Variants in IL1R1 observed in about 807,000 individuals in gnomAD.
IL1R1 encodes interleukin-1 receptor type 1.
A neutral mutation model predicts 50.2 loss-of-function variants in IL1R1; 22 were observed. The observed-to-expected ratio is 0.44, with a 90% confidence interval of 0.31 to 0.63. The LOEUF is 0.63. IL1R1 is among the 20% of genes least tolerant of loss of function. IL1R1 has a pLI of 0.07. For synonymous variants in IL1R1, 251 were observed against 236.7 expected (o/e 1.06, Z -0.55); for missense variants, 509 against 676.2 (o/e 0.75, Z 2.74).
chr2:102,109,612 C>T (rs768551317), intron 1 of IL1R1, among the ~76,000 whole-genome samples: 2 of 152,170 alleles, frequency 1.3e-5, no homozygotes, highest in African/African-American at 2.4e-5. Context: ...CACAACAACC[C>T]CTCAACTTGG....
intron 1 of IL1R1, among the ~76,000 whole-genome samples, chr2:102,128,244 A>G (rs930158230): frequency 6.6e-6 from 1 of 152,208 alleles, no homozygotes; most frequent in Non-Finnish European, 1.5e-5. Context: ...CTATTCCAAA[A>G]TGACATCACA....
intron 1 of IL1R1, among the ~76,000 whole-genome samples, chr2:102,127,657 C>CTGTGTGTGTGTGTG (rs60587758): frequency 1.1e-3 from 158 of 144,952 alleles, no homozygotes; most frequent in Non-Finnish European, 1.9e-3. Context: ...GTGTGTGTGA[C>CTGTGTGTGTGTGTG]TGTGTGTGTG....
intron 1 of IL1R1, among the ~76,000 whole-genome samples, chr2:102,074,890 A>G (rs1678893955): frequency 6.6e-6 from 1 of 152,090 alleles, no homozygotes; most frequent in Admixed American, 6.5e-5. Flanking sequence ...TCAGTGCATC[A>G]TTTTTATTAT....
At position 102,164,758 on chromosome 2, in the gene IL1R1, C is replaced by A; in HGVS notation, c.62-16C>A. On this transcript the variant is annotated splice_polypyrimidine_tract_variant and intron_variant, in intron 3 of 11. Transcript: ENST00000410023. ...GATTTTTATGTAAATTGCTTCCACC[C>A]TTCTTCCTTTTAAAGATAAATGCAA... 6.3e-7 allele frequency: 1 copy of A among 1,580,170 alleles called. No homozygotes were observed. Among genetic ancestry groups the A allele is most frequent in the Non-Finnish European group, 8.7e-7 (1 of 1,151,338 alleles).
intron 1 of IL1R1, among the ~76,000 whole-genome samples, chr2:102,071,565 A>G (rs557963702): frequency 6.6e-6 from 1 of 152,360 alleles, no homozygotes; most frequent in East Asian, 1.9e-4. Context: ...AAACTGGCTT[A>G]CATAAATTTA....
At position 102,164,756 on chromosome 2, in the gene IL1R1, C is replaced by T. The variant is rs199520843; in HGVS notation, c.62-18C>T. ...CAGATTTTTATGTAAATTGCTTCCA[C>T]CCTTCTTCCTTTTAAAGATAAATGC... On this transcript the variant is annotated intron_variant, in intron 3 of 11. Coordinates refer to ENST00000410023, the MANE Select transcript of IL1R1 (RefSeq NM_000877.4). The T allele has an allele frequency of 4.5e-6, 7 of 1,568,980 alleles. No homozygotes were observed. The highest frequency in any genetic ancestry group is 4.4e-6 in the Non-Finnish European group (5 of 1,141,402).
At chr2:102,113,718 C>G (rs1198237998) in intron 1 of IL1R1, among the ~76,000 whole-genome samples, 2 of 152,210 alleles carry the variant, frequency 1.3e-5, no homozygotes, top group African/African-American at 4.8e-5. Flanking sequence ...CCTCCTTGCC[C>G]TGGAGCCTGG....
At chr2:102,084,710 A>T (rs999540572) in intron 1 of IL1R1, among the ~76,000 whole-genome samples, 1 of 152,200 alleles carries the variant, frequency 6.6e-6, no homozygotes, top group Non-Finnish European at 1.5e-5. Context: ...TTTTGTATAC[A>T]TACTTTGGTT....
intron 1 of IL1R1, among the ~76,000 whole-genome samples, chr2:102,098,058 A>G (rs2104329628): frequency 6.6e-6 from 1 of 152,230 alleles, no homozygotes; most frequent in Middle Eastern, 3.4e-3. Context: ...TTTTAAAAAG[A>G]TGAGAATCCA....
chr2:102,175,641 G>A lies in IL1R1; in HGVS notation c.1299G>A (p.Gly433=), dbSNP rs941126929. The A allele has an allele frequency of 6.2e-7, 1 of 1,613,734 alleles. No individual in the cohort carries two copies. The highest frequency in any genetic ancestry group is 1.3e-5 in the African/African-American group (1 of 74,902). ...LFIYGRDDYV[G]EDIVEVINEN... ...TTTATGGAAGGGATGACTACGTTGG[G>A]GAAGGTATGTGTGTAATGGAACAGA... Residue 433 remains glycine, a synonymous_variant, in exon 11 of 12, where the codon GGG becomes GGA. Coordinates refer to ENST00000410023, the MANE Select transcript of IL1R1 (RefSeq NM_000877.4).
chr2:102,144,511 C>T (rs1259587050), intron 1 of IL1R1, among the ~76,000 whole-genome samples: 2 of 152,124 alleles, frequency 1.3e-5, no homozygotes, highest in Non-Finnish European at 2.9e-5. Flanking sequence ...GAGTCAACCT[C>T]TCACCATTGT....
At chr2:102,106,257 T>C (rs983332246) in intron 1 of IL1R1, among the ~76,000 whole-genome samples, 1 of 152,116 alleles carries the variant, frequency 6.6e-6, no homozygotes, top group Non-Finnish European at 1.5e-5. Flanking sequence ...TGTGTCTGTG[T>C]GTGTGTGCAT....
chr2:102,135,262 C>T (rs557747902), intron 1 of IL1R1, among the ~76,000 whole-genome samples: 25 of 137,964 alleles, frequency 1.8e-4, no homozygotes, highest in African/African-American at 4.9e-4. Context: ...ACTTTGTGGG[C>T]GGTACCTACA....
chr2:102,090,113 C>T (rs1679598838), intron 1 of IL1R1, among the ~76,000 whole-genome samples: 1 of 151,504 alleles, frequency 6.6e-6, no homozygotes, highest in Non-Finnish European at 1.5e-5. Flanking sequence ...GGATTACAGG[C>T]ATGAGCCACT....
intron 1 of IL1R1, among the ~76,000 whole-genome samples, chr2:102,136,993 A>G (rs1170368725): frequency 6.6e-6 from 1 of 152,250 alleles, no homozygotes; most frequent in Admixed American, 6.5e-5. Context: ...CCTCAAAAGT[A>G]CATAGTTATA....
chr2:102,160,962 G>A (rs554046272), intron 3 of IL1R1, among the ~76,000 whole-genome samples: 16 of 152,170 alleles, frequency 1.1e-4, no homozygotes, highest in Admixed American at 3.9e-4. Context: ...TGAAGACCCA[G>A]GCATAGAATC....
intron 1 of IL1R1, among the ~76,000 whole-genome samples, chr2:102,094,211 T>A (rs1679803155): frequency 6.6e-6 from 1 of 152,206 alleles, no homozygotes; most frequent in Non-Finnish European, 1.5e-5. Context: ...AAAGAAAGAA[T>A]AAAATGCTGG....
intron 10 of IL1R1, 89 bp from the exon 11 acceptor site, chr2:102,175,389 T>C (rs1686039001): frequency 8.2e-6 from 8 of 977,218 alleles, no homozygotes; most frequent in Non-Finnish European, 1.3e-5. Flanking sequence ...GATGAATAGT[T>C]CATTATGTAA....
chr2:102,121,812 T>C (rs750080048), intron 1 of IL1R1, among the ~76,000 whole-genome samples: 10 of 152,238 alleles, frequency 6.6e-5, no homozygotes, highest in Non-Finnish European at 1.0e-4. Context: ...TTTCTTATTG[T>C]ACATATTACA....
Sources: gnomAD v4.1 joint callset for allele counts (sites outside exome capture counted in the v4.1 genomes callset) on GRCh38, gnomAD v4.1.1 for gene constraint, MANE v1.5 for transcripts, NCBI Gene and HGNC (gene_info 2026-07-23, HGNC 2026-07-21) for gene names.